Variants in BDP1 observed in about 807,000 individuals in gnomAD.
BDP1 encodes BDP1 general transcription factor IIIB subunit.
Under a neutral mutation model 266.6 loss-of-function variants are expected in BDP1, and 169 were observed. That is an observed-to-expected ratio of 0.63 (90% CI 0.56 to 0.72). The LOEUF is 0.72. Among genes scored for constraint, BDP1 ranks in the 30% least tolerant of loss-of-function variants. BDP1 has a pLI of 0.00. For synonymous variants in BDP1, 1,090 were observed against 1,022.4 expected (o/e 1.07, Z -1.26); for missense variants, 3,015 against 3,053.8 (o/e 0.99, Z 0.30).
chr5:71,513,062 C>G, intron 18 of BDP1, 123 bp from the exon 19 acceptor site: 1 of 528,196 alleles, frequency 1.9e-6, no homozygotes. Flanking sequence ...GACCCTGTCT[C>G]CAAAAAAAAA....
intron 30 of BDP1, among the ~76,000 whole-genome samples, chr5:71,542,773 CA>C (rs1258579654): frequency 1.1e-4 from 17 of 151,984 alleles, no homozygotes; most frequent in Non-Finnish European, 2.2e-4. Flanking sequence ...TACTGTTGAT[CA>C]GAAGCCTTAT....
chr5:71,527,349 T>G (rs1010425290), intron 25 of BDP1, among the ~76,000 whole-genome samples: 67 of 152,152 alleles, frequency 4.4e-4, no homozygotes, highest in Non-Finnish European at 1.5e-4. Flanking sequence ...CTGGTCACTC[T>G]CAGGTCTGCC....
intron 28 of BDP1, among the ~76,000 whole-genome samples, chr5:71,540,118 G>C (rs886784974): frequency 6.6e-6 from 1 of 152,080 alleles, no homozygotes; most frequent in East Asian, 1.9e-4. Context: ...TCTCAGTTTG[G>C]ACAGAGCCAA....
At position 71,513,300 on chromosome 5, in the gene BDP1, A is replaced by G. The variant is rs1284915058; in HGVS notation, c.4363A>G (p.Thr1455Ala). The change falls in exon 19 of 39, where the codon ACA becomes GCA. Residue 1455 changes from threonine to alanine, a missense_variant. By Grantham distance (58) the Thr-to-Ala change is moderately conservative (BLOSUM62 0). Around this residue, in one of 3 missense-constraint regions of BDP1, gnomAD observed 2,383 missense variants for 2,404.9 expected, o/e 0.99. Transcript: ENST00000358731. ...LARAALKRET[T>A]ESEKYIYEKK... is the part of the protein sequence containing the mutation. ...AAGAGCAGCTTTGAAGAGAGAGACT[A>G]CAGAATCAGAAAAATATATATATGA... The G allele has an allele frequency of 3.1e-6, 5 of 1,611,208 alleles. No homozygotes were observed. Among genetic ancestry groups the G allele is most frequent in the African/African-American group, 2.7e-5 (2 of 74,796 alleles).
At chr5:71,519,411 T>G (rs1472983592) in intron 22 of BDP1, among the ~76,000 whole-genome samples, 1 of 152,202 alleles carries the variant, frequency 6.6e-6, no homozygotes, top group Non-Finnish European at 1.5e-5. Context: ...AACTTATTCC[T>G]TCTATCTAAC....
In BDP1 at chr5:71,489,493, G is replaced by T; in HGVS notation, c.1303G>T (p.Ala435Ser). ...ISDTERSQKDAQTVEEESLTL... is the reference protein window; with the variant it reads ...ISDTERSQKDSQTVEEESLTL... ...AGACACGGAAAGATCTCAGAAGGAT[G>T]CTCAGACAGTTGAAGAAGAGTCTCT... is the stretch of plus-strand genomic sequence containing the variant. Residue 435 changes from alanine (A) to serine (S), a missense_variant, in exon 10 of 39, where the codon GCT becomes TCT. This residue lies in a region of BDP1 where 2,383 missense variants were observed against 2,404.9 expected (regional missense o/e 0.99). Coordinates refer to ENST00000358731, the MANE Select transcript of BDP1 (RefSeq NM_018429.3). 2 of 1,614,082 alleles carry T rather than the reference G, an allele frequency of 1.2e-6. No individual in the cohort carries two copies. Among genetic ancestry groups the T allele is most frequent in the Non-Finnish European group, 1.7e-6 (2 of 1,179,964 alleles).
At chr5:71,533,468 ATTT>A (rs35347206) in intron 26 of BDP1, among the ~76,000 whole-genome samples, 2 of 124,790 alleles carry the variant, frequency 1.6e-5, no homozygotes, top group Non-Finnish European at 1.7e-5. Flanking sequence ...TGTTCGGTGG[ATTT>A]TTTTTTTTTT....
At chr5:71,564,234 G>C (rs755893466) in intron 38 of BDP1, among the ~76,000 whole-genome samples, 3 of 152,002 alleles carry the variant, frequency 2.0e-5, no homozygotes, top group Non-Finnish European at 4.4e-5. Flanking sequence ...ATACCATGCT[G>C]TCTTAATTTG....
intron 2 of BDP1, among the ~76,000 whole-genome samples, chr5:71,460,463 A>G (rs1034443067): frequency 1.3e-5 from 2 of 152,252 alleles, no homozygotes; most frequent in Non-Finnish European, 2.9e-5. Flanking sequence ...TGAATTATAA[A>G]ATGCCTCTTA....
intron 7 of BDP1, among the ~76,000 whole-genome samples, chr5:71,479,336 T>A (rs1180213413): frequency 6.6e-6 from 1 of 151,552 alleles, no homozygotes. Context: ...CCACTGCACC[T>A]GGCCTCCTCC....
Position 71,458,592 on chromosome 5 carries a change from G to T in BDP1, c.226G>T (p.Gly76Cys), listed in dbSNP as rs754943188. 15 of 1,611,392 alleles carry T rather than the reference G, an allele frequency of 9.3e-6. No homozygotes were observed. The highest frequency in any genetic ancestry group is 3.3e-4 in the Middle Eastern group (2 of 6,050). Residue 76 changes from glycine to cysteine, a missense_variant, in exon 2 of 39, where the codon GGT becomes TGT. Coordinates refer to ENST00000358731, the MANE Select transcript of BDP1 (RefSeq NM_018429.3). ...TAATTTCAACAGTACTGAAAAGACT[G>T]GTGGTGACAATGATGTTGAAGAATC... ...KAPRSSTEKTGGDNDVEESSR... is the reference protein window; with the variant it reads ...KAPRSSTEKTCGDNDVEESSR...
Position 71,553,281 on chromosome 5 carries a change from A to G in BDP1, c.7161A>G (p.Ser2387=), listed in dbSNP as rs1419634636. 1.2e-6 allele frequency: 2 copies of G among 1,612,862 alleles called. No homozygotes were observed. Among genetic ancestry groups the G allele is most frequent in the Non-Finnish European group, 1.7e-6 (2 of 1,179,928 alleles). The change falls in exon 35 of 39, where the codon TCA becomes TCG. Residue 2387 remains serine, a synonymous_variant. Transcript: ENST00000358731. ...NDHIPPAKKR[S]LTLRDDCQEY... is the part of the protein sequence containing the mutation. ...ACATTCCTCCTGCCAAAAAACGTTC[A>G]CTCACTTTAAGAGATGACTGTCAAG...
chr5:71,455,862 G>A lies in BDP1; in HGVS notation c.-16G>A. The stretch of plus-strand genomic sequence containing the variant: ...AGCGGCCGTGAGGCTGCCTCCCCGG[G>A]CCCCCTGCCTCCGCCATGTTCCGCA... On this transcript the variant is annotated 5_prime_UTR_variant, in exon 1 of 39. Transcript: ENST00000358731. The A allele has an allele frequency of 1.3e-6, 2 of 1,554,724 alleles. No homozygotes were observed. Among genetic ancestry groups the A allele is most frequent in the Non-Finnish European group, 1.7e-6 (2 of 1,149,578 alleles).
rs527276287 is a variant in BDP1 at position 71,477,537 on chromosome 5, A to G, written c.1015-6305A>G. ...TCCAAGTGCACTGGTGTTTACAACT[A>G]AATGATCACAACTGATTACAGATTT... On this transcript the variant is annotated intron_variant, in intron 7 of 38. Coordinates refer to ENST00000358731, the MANE Select transcript of BDP1 (RefSeq NM_018429.3). Among the ~76,000 whole-genome samples, 9 of 152,298 alleles carry G rather than the reference A, an allele frequency of 5.9e-5. No individual in the cohort carries two copies. In the East Asian group the frequency reaches 1.5e-3, roughly 26 times the overall value.
chr5:71,486,179 C>G (rs777563760), intron 8 of BDP1, among the ~76,000 whole-genome samples: 1 of 151,850 alleles, frequency 6.6e-6, no homozygotes, highest in Non-Finnish European at 1.5e-5. Context: ...GTAGTTTGTT[C>G]CTTTTGTTTT....
In BDP1 at chr5:71,461,777, T is replaced by C. The variant is rs761924414; in HGVS notation, c.490-40T>C. On this transcript the variant is annotated intron_variant, in intron 2 of 38. Coordinates refer to ENST00000358731, the MANE Select transcript of BDP1 (RefSeq NM_018429.3). ...TGCATATAGTACATCTGAAATTCTT[T>C]AATATTTATAAAAGTGGATCTGTGT... The C allele has an allele frequency of 2.7e-5, 31 of 1,168,720 alleles. No individual in the cohort carries two copies. The Admixed American group carries it at 3.1e-4, about 12-fold the overall frequency. The allele number at this position is 1,168,720 out of a possible 1,614,324, so 72.4% of individuals were successfully genotyped here.
At chr5:71,497,845 A>G (rs570704896) in intron 13 of BDP1, among the ~76,000 whole-genome samples, 2 of 152,246 alleles carry the variant, frequency 1.3e-5, no homozygotes, top group South Asian at 4.1e-4. Context: ...CAGGAGTGCA[A>G]TGGCAGTATT....
At chr5:71,568,846 T>C (rs1251486785), downstream of BDP1, among the ~76,000 whole-genome samples, 2 of 152,190 alleles carry the variant, frequency 1.3e-5, no homozygotes, top group Non-Finnish European at 2.9e-5. Context: ...TAAAAGTCTC[T>C]CCAGACTATA....
intron 12 of BDP1, among the ~76,000 whole-genome samples, chr5:71,495,897 T>C (rs1274092595): frequency 1.3e-5 from 2 of 152,150 alleles, no homozygotes; most frequent in Non-Finnish European, 2.9e-5. Flanking sequence ...AGTTTTATAC[T>C]TCCTTTTAGT....
Sources: allele counts gnomAD v4.1 joint callset (sites outside exome capture counted in the v4.1 genomes callset), GRCh38; gene constraint gnomAD v4.1.1; regional missense constraint gnomAD v4.1.1; transcripts MANE v1.5; gene names NCBI Gene and HGNC (gene_info 2026-07-23, HGNC 2026-07-21).